SLC19A1: variants seen among roughly 807,000 people sequenced by gnomAD.
SLC19A1 encodes reduced folate transporter.
Under a neutral mutation model 35.3 loss-of-function variants are expected in SLC19A1, and 37 were observed. The observed-to-expected ratio is 1.05, with a 90% CI of 0.81 to 1.38. The LOEUF (loss-of-function observed/expected upper bound fraction) is 1.38, where lower values mean the gene tolerates loss of function less well. Among genes scored for constraint, SLC19A1 ranks in the 40% most tolerant of loss-of-function variants. The probability of loss-of-function intolerance (pLI) is 0.00; values close to 1 mark genes in which losing one functional copy is unlikely to be tolerated. For missense variants in SLC19A1, 831 were observed against 826.9 expected (o/e 1.00, Z -0.06); for synonymous variants, 460 against 398.5 (o/e 1.15, Z -1.84).
chr21:45,533,778 G>A lies in SLC19A1; in HGVS notation c.190-1630C>T, dbSNP rs2078015565. 6.6e-6 allele frequency among the ~76,000 whole-genome samples: 1 copy of A among 152,120 alleles called. No homozygotes were observed. On this transcript the variant is annotated intron_variant, in intron 2 of 5. Coordinates refer to ENST00000311124, the MANE Select transcript of SLC19A1 (RefSeq NM_194255.4). This position sits in a 1 kb window ranked among gnomAD's most constrained non-coding sequence, Gnocchi z 4.5. ...CAAACCCTGGGTCAGCACGTGGGGT[G>A]CTGCGCCGAGCCACGCCGCCTCCCC...
intron 4 of SLC19A1, among the ~76,000 whole-genome samples, chr21:45,528,163 CA>C (rs1227749991): frequency 1.3e-5 from 2 of 151,638 alleles, no homozygotes; most frequent in Non-Finnish European, 2.9e-5. Flanking sequence ...GTGAGCAGGT[CA>C]GTGGGATGAA....
chr21:45,552,198 G>T (rs1253320356), intron 1 of SLC19A1, among the ~76,000 whole-genome samples: 1 of 152,212 alleles, frequency 6.6e-6, no homozygotes, highest in Admixed American at 6.5e-5. Context: ...TCAGACCAGA[G>T]AGATCTGCGA....
chr21:45,521,406 G>A (rs1284779299), intron 5 of SLC19A1, among the ~76,000 whole-genome samples: 4 of 152,196 alleles, frequency 2.6e-5, no homozygotes, highest in East Asian at 1.9e-4. Flanking sequence ...CATGTTCATG[G>A]ATTGGAAAAC....
chr21:45,558,614 G>A (rs759090281), intron 1 of SLC19A1, among the ~76,000 whole-genome samples: 3 of 152,128 alleles, frequency 2.0e-5, no homozygotes, highest in Admixed American at 1.3e-4. Context: ...TGGTTTGAGC[G>A]AGGGCAGGCA....
Position 45,561,397 on chromosome 21 carries a change from C to T in SLC19A1, c.-50+1345G>A, listed in dbSNP as rs9982330. ...GATTAAATATGGTAGGTCTGGGGCC[C>T]GGAGCGTCTCCCGGTGTTCCCACTC... On this transcript the variant is annotated intron_variant, in intron 1 of 5. Coordinates refer to the SLC19A1 transcript ENST00000650808. Among the ~76,000 whole-genome samples, 291 of 152,292 alleles carry T rather than the reference C, an allele frequency of 1.9e-3. 1 individual carries two copies. The highest frequency in any genetic ancestry group is 6.4e-3 in the African/African-American group (266 of 41,558).
At chr21:45,560,513 G>A (rs1359104039) in intron 1 of SLC19A1, among the ~76,000 whole-genome samples, 1 of 152,234 alleles carries the variant, frequency 6.6e-6, no homozygotes, top group Non-Finnish European at 1.5e-5. Context: ...ACGCCATGTG[G>A]GAATGGGATG....
chr21:45,503,330 A>G (rs2036966271), intron 3 of SLC19A1, among the ~76,000 whole-genome samples: 1 of 152,026 alleles, frequency 6.6e-6, no homozygotes, highest in South Asian at 2.1e-4. Flanking sequence ...AGTGATGATG[A>G]GCATTTTTTC....
chr21:45,556,385 C>G (rs555207474), intron 1 of SLC19A1, among the ~76,000 whole-genome samples: 47 of 152,344 alleles, frequency 3.1e-4, no homozygotes, highest in African/African-American at 1.0e-3. Flanking sequence ...CAGACCCGCT[C>G]GTCAGCAGCT....
At chr21:45,539,687 C>A (rs1217588184) in intron 1 of SLC19A1, among the ~76,000 whole-genome samples, 2 of 152,196 alleles carry the variant, frequency 1.3e-5, no homozygotes, top group Non-Finnish European at 2.9e-5. Flanking sequence ...GAGAGAGAGA[C>A]CCTCCCCAGG....
chr21:45,532,201 G>T, intron 2 of SLC19A1, 53 bp from the exon 3 acceptor site: 2 of 1,460,244 alleles, frequency 1.4e-6, no homozygotes, highest in East Asian at 2.3e-5. Context: ...CTGCCGCTGC[G>T]GCAGACACAG....
chr21:45,508,779 A>G (rs2037402628), downstream of SLC19A1, among the ~76,000 whole-genome samples: 2 of 152,130 alleles, frequency 1.3e-5, no homozygotes, highest in Non-Finnish European at 2.9e-5. Flanking sequence ...CCGGGTGGCC[A>G]TGGATATTGC....
upstream of SLC19A1, among the ~76,000 whole-genome samples, chr21:45,544,990 G>T (rs550095537): frequency 3.3e-5 from 5 of 152,228 alleles, no homozygotes; most frequent in African/African-American, 1.2e-4. Flanking sequence ...GCATAGGGAG[G>T]CAGTGGCATT....
chr21:45,504,217 C>G, intron 3 of SLC19A1: 1 of 934,408 alleles, frequency 1.1e-6, no homozygotes, highest in Non-Finnish European at 1.7e-6. Flanking sequence ...CAGGATGTTC[C>G]TGTCCCCGGC....
At chr21:45,528,865 T>C (rs74994335) in intron 4 of SLC19A1, among the ~76,000 whole-genome samples, 1,793 of 152,278 alleles carry the variant, frequency 0.012, 34 homozygotes, top group African/African-American at 0.041. Flanking sequence ...AAGCAGAAAA[T>C]GCTGGGATTC....
chr21:45,519,965 GACAAATCTTA>G (rs1952695580), intron 5 of SLC19A1, among the ~76,000 whole-genome samples: 1 of 152,136 alleles, frequency 6.6e-6, no homozygotes, highest in South Asian at 2.1e-4. Context: ...TGGGTCATAA[GACAAATCTTA>G]ACAAATTTAT....
intron 1 of SLC19A1, among the ~76,000 whole-genome samples, chr21:45,559,262 G>C (rs1351863695): frequency 6.6e-6 from 1 of 152,222 alleles, no homozygotes; most frequent in East Asian, 1.9e-4. Flanking sequence ...CCCCTCAGCT[G>C]TGTGGAAACA....
In SLC19A1 at chr21:45,533,151, C is replaced by T. The variant is rs1371112007; in HGVS notation, c.190-1003G>A. ...GGAGCACAGGCTGTCAGCCTGCCCA[C>T]CCCCACCTCCTCCATCACATGTTAT... On this transcript the variant is annotated intron_variant, in intron 2 of 5. Coordinates refer to ENST00000311124, the MANE Select transcript of SLC19A1 (RefSeq NM_194255.4). This position sits in a 1 kb window ranked among gnomAD's most constrained non-coding sequence, Gnocchi z 4.5. Among the ~76,000 whole-genome samples the T allele has an allele frequency of 6.6e-6, 1 of 152,222 alleles. No homozygotes were observed. The highest frequency in any genetic ancestry group is 2.4e-5 in the African/African-American group (1 of 41,466).
At chr21:45,554,762 C>T (rs1351674003) in intron 1 of SLC19A1, among the ~76,000 whole-genome samples, 1 of 151,482 alleles carries the variant, frequency 6.6e-6, no homozygotes, top group African/African-American at 2.4e-5. Context: ...GCTGTGCTAT[C>T]ATTTTTACTA....
chr21:45,537,833 G>T lies in SLC19A1; in HGVS notation c.127C>A (p.Pro43Thr). The T allele has an allele frequency of 6.2e-7, 1 of 1,607,178 alleles. No homozygotes were observed. ...CFYGFMAQIR[P>T]GESFITPYLL... is the part of the protein sequence containing the mutation. ...TAGGGGGTGATGAAGCTCTCCCCTG[G>T]CCGTATCTGCGCCATGAAGCCGTAG... is the stretch of plus-strand genomic sequence containing the variant. The change falls in exon 2 of 6, where the codon CCA (proline) becomes ACA (threonine). Residue 43 changes from proline (P) to threonine (T), a missense_variant. Physicochemically the swap from Pro to Thr is conservative, Grantham distance 38. Transcript: ENST00000311124.
Sources: gnomAD v4.1 joint callset for allele counts (sites outside exome capture counted in the v4.1 genomes callset) on GRCh38, gnomAD v4.1.1 for gene constraint, Gnocchi (gnomAD v3.1) non-coding constraint, MANE v1.5 for transcripts, NCBI Gene and HGNC (gene_info 2026-07-23, HGNC 2026-07-21) for gene names.